The following SLC25A26 variants were observed in gnomAD, a reference collection of about 807,000 sequenced individuals.
SLC25A26 encodes mitochondrial S-adenosylmethionine carrier protein.
SLC25A26 carries 36 observed loss-of-function variants against 37.8 expected under a neutral mutation model. The ratio of observed to expected loss-of-function variants is 0.95; its 90% CI spans 0.73 to 1.26. The LOEUF is 1.26. SLC25A26 is among the 50% of genes most tolerant of loss of function. SLC25A26 has a pLI of 0.00. For missense variants in SLC25A26, 390 were observed against 331.1 expected, an observed-to-expected ratio of 1.18 and a Z score of -1.38; for synonymous variants, 129 against 122.5, an observed-to-expected ratio of 1.05 and a Z score of -0.35.
At chr3:66,320,087 C>CT (rs1272867555) in intron 5 of SLC25A26, among the ~76,000 whole-genome samples, 1 of 152,032 alleles carries the variant, frequency 6.6e-6, no homozygotes, top group Non-Finnish European at 1.5e-5. Context: ...TAAACTTGAG[C>CT]TTTTTATGGT....
At chr3:66,190,497 C>T (rs920169240) in intron 1 of SLC25A26, among the ~76,000 whole-genome samples, 183 of 152,220 alleles carry the variant, frequency 1.2e-3, no homozygotes, top group African/African-American at 4.1e-3. Flanking sequence ...GGCACAGTCT[C>T]GGCTCACTAC....
chr3:66,153,383 C>T (rs1345236850), intron 1 of SLC25A26, among the ~76,000 whole-genome samples: 1 of 152,144 alleles, frequency 6.6e-6, no homozygotes, highest in African/African-American at 2.4e-5. Flanking sequence ...CAGTATAGAA[C>T]CATGGTTTTC....
chr3:66,347,973 TGTG>T (rs1353948246), intron 6 of SLC25A26, among the ~76,000 whole-genome samples: 1 of 152,116 alleles, frequency 6.6e-6, no homozygotes, highest in Non-Finnish European at 1.5e-5. Context: ...TGGGGCCTGT[TGTG>T]GGGTGCAGGG....
At chr3:66,134,407 C>A (rs930948757) in intron 1 of SLC25A26, among the ~76,000 whole-genome samples, 5 of 152,178 alleles carry the variant, frequency 3.3e-5, no homozygotes, top group Non-Finnish European at 7.3e-5. Context: ...AAGAGAGAAT[C>A]ATTGAGTTGT....
At chr3:66,173,169 A>G (rs1361050619) in intron 1 of SLC25A26, among the ~76,000 whole-genome samples, 2 of 152,206 alleles carry the variant, frequency 1.3e-5, no homozygotes, top group Non-Finnish European at 2.9e-5. Flanking sequence ...CAGTTGTAAG[A>G]AAAAGTCTTA....
At chr3:66,180,186 G>A (rs1412404659) in intron 1 of SLC25A26, among the ~76,000 whole-genome samples, 1 of 152,142 alleles carries the variant, frequency 6.6e-6, no homozygotes, top group Non-Finnish European at 1.5e-5. Context: ...GGGAGGCGTA[G>A]TTATGAGCAG....
chr3:66,239,740 G>A (rs554243664), intron 2 of SLC25A26, among the ~76,000 whole-genome samples: 2 of 151,672 alleles, frequency 1.3e-5, no homozygotes, highest in African/African-American at 2.4e-5. Context: ...AAGAAAAAAG[G>A]TACTTTGCAG....
intron 1 of SLC25A26, among the ~76,000 whole-genome samples, chr3:66,157,542 G>A (rs536435196): frequency 8.5e-5 from 13 of 152,350 alleles, no homozygotes; most frequent in Non-Finnish European, 1.3e-4. Flanking sequence ...CACACATAAA[G>A]CTTCTATAAC....
intron 3 of SLC25A26, among the ~76,000 whole-genome samples, chr3:66,259,625 C>G (rs2073443556): frequency 6.6e-6 from 1 of 152,118 alleles, no homozygotes; most frequent in African/African-American, 2.4e-5. Flanking sequence ...CAGATTTGAC[C>G]TTCTCTGAGC....
chr3:66,331,428 AGTCATTT>A (rs1383880942), intron 5 of SLC25A26, among the ~76,000 whole-genome samples: 1 of 152,146 alleles, frequency 6.6e-6, no homozygotes, highest in Non-Finnish European at 1.5e-5. Flanking sequence ...AATCCCATTT[AGTCATTT>A]TAACCTTTTA....
intron 5 of SLC25A26, among the ~76,000 whole-genome samples, chr3:66,307,587 G>A (rs1179590202): frequency 6.6e-6 from 1 of 152,114 alleles, no homozygotes; most frequent in Non-Finnish European, 1.5e-5. Context: ...CCATGCCTAC[G>A]TCCTGAATGG....
At chr3:66,190,661 T>C (rs2070923965) in intron 1 of SLC25A26, among the ~76,000 whole-genome samples, 1 of 152,178 alleles carries the variant, frequency 6.6e-6, no homozygotes, top group Non-Finnish European at 1.5e-5. Context: ...ACTCCTGGCC[T>C]CAGGTGATTG....
intron 1 of SLC25A26, among the ~76,000 whole-genome samples, chr3:66,209,921 T>C (rs2071260388): frequency 1.5e-5 from 1 of 66,492 alleles, no homozygotes; most frequent in African/African-American, 7.6e-5. Context: ...TATATATATA[T>C]ATATATATAT....
intron 1 of SLC25A26, among the ~76,000 whole-genome samples, chr3:66,137,217 CTTTT>C (rs528438794): frequency 1.7e-5 from 2 of 118,832 alleles, no homozygotes; most frequent in Admixed American, 8.9e-5. Context: ...GATTTTCTTT[CTTTT>C]TTTTTTTTTT....
intron 1 of SLC25A26, among the ~76,000 whole-genome samples, chr3:66,151,197 A>G (rs2070203611): frequency 1.3e-5 from 2 of 152,272 alleles, no homozygotes; most frequent in African/African-American, 2.4e-5. Flanking sequence ...AGTTCCTGCC[A>G]TTGTGGCACT....
At chr3:66,135,864 T>C (rs1239728314) in intron 1 of SLC25A26, among the ~76,000 whole-genome samples, 1 of 152,218 alleles carries the variant, frequency 6.6e-6, no homozygotes, top group Non-Finnish European at 1.5e-5. Context: ...AAAAGAGATA[T>C]TCTTTTGGAA....
At chr3:66,249,868 A>G (rs928312393) in intron 3 of SLC25A26, among the ~76,000 whole-genome samples, 1 of 152,234 alleles carries the variant, frequency 6.6e-6, no homozygotes, top group Non-Finnish European at 1.5e-5. Context: ...ACCAGGAAAC[A>G]CAGAAGCTGA....
In SLC25A26 at chr3:66,275,100, A is replaced by G. The variant is rs529369983; in HGVS notation, c.453+11721A>G. 1.7e-4 allele frequency among the ~76,000 whole-genome samples: 26 copies of G among 152,178 alleles called. No homozygotes were observed. The East Asian group carries it at 4.1e-3, about 24-fold the overall frequency. The stretch of plus-strand genomic sequence containing the variant: ...AAAATGATGAGTTAATGTCCTTTGT[A>G]GGGACATGGATGAAATTGGAAATCA... On this transcript the variant is annotated intron_variant, in intron 5 of 9. Transcript: ENST00000354883.
chr3:66,161,557 C>T (rs1417455732), intron 1 of SLC25A26, among the ~76,000 whole-genome samples: 1 of 152,154 alleles, frequency 6.6e-6, no homozygotes, highest in Non-Finnish European at 1.5e-5. Context: ...CTGCGTAGGT[C>T]TCATGAGGTG....
Sources: gnomAD v4.1 joint callset for allele counts (sites outside exome capture counted in the v4.1 genomes callset) on GRCh38, gnomAD v4.1.1 for gene constraint, MANE v1.5 for transcripts, NCBI Gene and HGNC (gene_info 2026-07-23, HGNC 2026-07-21) for gene names.